ZNF565: variants seen among roughly 807,000 people sequenced by gnomAD.
The protein encoded by ZNF565 is zinc finger protein 565.
In ZNF565, 27 loss-of-function variants were observed where a neutral mutation model predicts 39.4. The ratio of observed to expected loss-of-function variants is 0.69; its 90% CI spans 0.51 to 0.95. The LOEUF (loss-of-function observed/expected upper bound fraction) is 0.95, where lower values mean the gene tolerates loss of function less well. Among genes scored for constraint, ZNF565 ranks in the 40% least tolerant of loss-of-function variants. The pLI is 0.00. For missense variants in ZNF565, 524 were observed against 621.1 expected, an observed-to-expected ratio of 0.84 and a Z score of 1.66; for synonymous variants, 185 against 216.6, an observed-to-expected ratio of 0.85 and a Z score of 1.28.
intron 1 of ZNF565, among the ~76,000 whole-genome samples, chr19:36,241,398 C>T (rs1443695312): frequency 1.3e-5 from 2 of 150,122 alleles, no homozygotes; most frequent in South Asian, 2.1e-4. Flanking sequence ...GCAGGAGAAT[C>T]GCTTGAACCC....
intron 1 of ZNF565, chr19:36,238,313 T>C (rs1324043001): frequency 6.0e-6 from 1 of 167,108 alleles, no homozygotes; most frequent in East Asian, 1.9e-4. Flanking sequence ...TGCATATATG[T>C]ATGTACATGT....
intron 4 of ZNF565, among the ~76,000 whole-genome samples, chr19:36,192,480 C>T (rs1975593658): frequency 6.6e-6 from 1 of 152,028 alleles, no homozygotes; most frequent in South Asian, 2.1e-4. Flanking sequence ...GTGGCTCATG[C>T]CTGTAATCCC....
At chr19:36,239,065 G>A (rs1011998091) in intron 1 of ZNF565, among the ~76,000 whole-genome samples, 1 of 152,096 alleles carries the variant, frequency 6.6e-6, no homozygotes, top group Non-Finnish European at 1.5e-5. Flanking sequence ...CCCACAAACC[G>A]TCCGTGGAAA....
chr19:36,242,249 T>G (rs2145480154), intron 1 of ZNF565, among the ~76,000 whole-genome samples: 1 of 151,278 alleles, frequency 6.6e-6, no homozygotes, highest in African/African-American at 2.4e-5. Context: ...TTGTCTCTAC[T>G]AAACATAAAA....
At chr19:36,223,338 G>A (rs1411256261) in intron 1 of ZNF565, among the ~76,000 whole-genome samples, 1 of 138,366 alleles carries the variant, frequency 7.2e-6, no homozygotes, top group Non-Finnish European at 1.6e-5. Flanking sequence ...GTGAGACTCC[G>A]TCTCAAAAAA....
intron 1 of ZNF565, among the ~76,000 whole-genome samples, chr19:36,228,200 A>G (rs892495557): frequency 1.3e-5 from 2 of 151,980 alleles, no homozygotes; most frequent in African/African-American, 2.4e-5. Context: ...CTCTCAGTAT[A>G]ATGCAAAGAG....
chr19:36,227,848 C>T (rs558861261), intron 1 of ZNF565, among the ~76,000 whole-genome samples: 14 of 152,202 alleles, frequency 9.2e-5, no homozygotes, highest in Non-Finnish European at 1.8e-4. Context: ...AGCCACTGCA[C>T]CTGGGCCAGG....
At chr19:36,204,267 T>C (rs941512756) in intron 1 of ZNF565, among the ~76,000 whole-genome samples, 5 of 151,852 alleles carry the variant, frequency 3.3e-5, no homozygotes, top group African/African-American at 7.3e-5. Flanking sequence ...ACTAACTTAA[T>C]GAATGGGAAT....
intron 2 of ZNF565, among the ~76,000 whole-genome samples, chr19:36,196,669 A>AATG (rs1975769639): frequency 6.6e-6 from 1 of 152,126 alleles, no homozygotes; most frequent in African/African-American, 2.4e-5. Context: ...TGGCAAATCT[A>AATG]ATGTCTTTCA....
chr19:36,244,579 A>G (rs1005652910), intron 1 of ZNF565, among the ~76,000 whole-genome samples: 4 of 151,418 alleles, frequency 2.6e-5, no homozygotes, highest in African/African-American at 7.3e-5. Context: ...GAGGCTGGGC[A>G]CGCTGGCTCA....
chr19:36,225,482 G>T (rs2087516970), intron 1 of ZNF565, among the ~76,000 whole-genome samples: 1 of 151,344 alleles, frequency 6.6e-6, no homozygotes, highest in Non-Finnish European at 1.5e-5. Flanking sequence ...TTATGTTTCA[G>T]TTTTCATCTG....
chr19:36,232,600 T>C (rs1464411617), intron 1 of ZNF565, among the ~76,000 whole-genome samples: 1 of 141,614 alleles, frequency 7.1e-6, no homozygotes, highest in Non-Finnish European at 1.5e-5. Flanking sequence ...CAGTTCTTTT[T>C]TCTTTTTTCT....
chr19:36,186,359 T>C (rs1829545335), intron 4 of ZNF565, among the ~76,000 whole-genome samples: 2 of 152,196 alleles, frequency 1.3e-5, no homozygotes, highest in African/African-American at 4.8e-5. Flanking sequence ...CCTTTATCCT[T>C]TCTCCCATTT....
chr19:36,201,739 T>C (rs940864113), intron 2 of ZNF565, among the ~76,000 whole-genome samples: 1 of 152,040 alleles, frequency 6.6e-6, no homozygotes, highest in African/African-American at 2.4e-5. Context: ...CCTCCTAAAG[T>C]GCTGAGATTA....
chr19:36,202,658 C>T (rs978223172), intron 1 of ZNF565, among the ~76,000 whole-genome samples: 3 of 152,240 alleles, frequency 2.0e-5, no homozygotes, highest in East Asian at 1.9e-4. Flanking sequence ...CTCACTTGAC[C>T]CCTAAGGATG....
intron 1 of ZNF565, among the ~76,000 whole-genome samples, 186 bp from the exon 2 acceptor site, chr19:36,202,236 T>G (rs1975990610): frequency 6.6e-6 from 1 of 151,990 alleles, no homozygotes; most frequent in Non-Finnish European, 1.5e-5. Context: ...GCATGGTGGC[T>G]CACGCCTGTA....
chr19:36,230,416 A>G (rs1461316323), intron 1 of ZNF565, among the ~76,000 whole-genome samples: 1 of 152,214 alleles, frequency 6.6e-6, no homozygotes, highest in Non-Finnish European at 1.5e-5. Context: ...AAAAATGTAT[A>G]CTATCAGATA....
chr19:36,185,892 C>A (rs1975279811), intron 4 of ZNF565, among the ~76,000 whole-genome samples: 1 of 151,298 alleles, frequency 6.6e-6, no homozygotes, highest in African/African-American at 2.4e-5. Context: ...TGGAGTTTCA[C>A]CATGTTGGCC....
chr19:36,232,595 C>CTTTTT (rs1457900549), intron 1 of ZNF565, among the ~76,000 whole-genome samples: 1 of 139,412 alleles, frequency 7.2e-6, no homozygotes, highest in Admixed American at 7.3e-5. Flanking sequence ...CTGATCAGTT[C>CTTTTT]TTTTTTCTTT....
Sources: allele counts gnomAD v4.1 joint callset (sites outside exome capture counted in the v4.1 genomes callset), GRCh38; gene constraint gnomAD v4.1.1; transcripts MANE v1.5; gene names NCBI Gene and HGNC (gene_info 2026-07-23, HGNC 2026-07-21).